Variants in DUSP12 observed in about 807,000 individuals in gnomAD.
The protein encoded by DUSP12 is dual specificity phosphatase 12.
A neutral mutation model predicts 38.9 loss-of-function variants in DUSP12; 25 were observed. That is an observed-to-expected ratio of 0.64 (90% CI 0.47 to 0.90). The LOEUF (loss-of-function observed/expected upper bound fraction) is 0.90. Ranked by LOEUF, DUSP12 falls within the 40% of genes least tolerant of loss-of-function variation. The pLI, the probability that DUSP12 is intolerant of heterozygous loss-of-function variation, is 0.00. For missense variants in DUSP12, 403 were observed against 427.0 expected (o/e 0.94, Z 0.50); for synonymous variants, 153 against 153.9 (o/e 0.99, Z 0.05).
At chr1:161,756,570 C>T (rs148355400) in intron 5 of DUSP12, among the ~76,000 whole-genome samples, 59 of 149,066 alleles carry the variant, frequency 4.0e-4, no homozygotes, top group African/African-American at 1.4e-3. Context: ...TCACTTTTCT[C>T]CCTTCAAGCT....
rs769804396 is a variant in DUSP12, at chr1:161,756,853, G to A, written c.929G>A (p.Gly310Asp). 6.2e-7 allele frequency: 1 copy of A among 1,614,000 alleles called. No individual in the cohort carries two copies. Among genetic ancestry groups the A allele is most frequent in the Admixed American group, 1.7e-5 (1 of 60,026 alleles). Residue 310 changes from glycine (G) to aspartate (D), a missense_variant, in exon 6 of 6, where the codon GGT becomes GAT. Coordinates refer to ENST00000367943, the MANE Select transcript of DUSP12 (RefSeq NM_007240.3). ...TGGTATGGTGAACAGTGCTCTTGTG[G>A]TAGGTGGATAACACCTGCTTTTCAA... ...FNWYGEQCSC[G>D]RWITPAFQIH...
At chr1:161,755,392 T>C (rs1684093515) in intron 5 of DUSP12, among the ~76,000 whole-genome samples, 1 of 152,220 alleles carries the variant, frequency 6.6e-6, no homozygotes, top group South Asian at 2.1e-4. Flanking sequence ...GCTCGAAGAA[T>C]GTATTTTAAA....
At chr1:161,750,262 C>A in intron 1 of DUSP12, 117 bp downstream of exon 1, 2 of 1,048,966 alleles carry the variant, frequency 1.9e-6, no homozygotes, top group African/African-American at 1.6e-5. Flanking sequence ...CGTGAACCTC[C>A]TCCCGCTGCC....
chr1:161,751,639 C>T (rs772654390), intron 1 of DUSP12, 29 bp from the exon 2 acceptor site: 2 of 1,568,028 alleles, frequency 1.3e-6, no homozygotes, highest in Non-Finnish European at 1.7e-6. Flanking sequence ...TTGCTATTTG[C>T]TGTTTTATTT....
At chr1:161,750,930 C>G (rs1034636533) in intron 1 of DUSP12, among the ~76,000 whole-genome samples, 6 of 150,662 alleles carry the variant, frequency 4.0e-5, no homozygotes, top group Admixed American at 6.6e-5. Context: ...ATCCCTCCCC[C>G]CAAAAAAAGA....
intron 5 of DUSP12, 28 bp downstream of exon 5, chr1:161,753,289 T>C: frequency 6.7e-7 from 1 of 1,501,054 alleles, no homozygotes; most frequent in Non-Finnish European, 8.9e-7. Context: ...TTTCTACAAT[T>C]TTATTTTATG....
chr1:161,750,103 T>C lies in DUSP12; in HGVS notation c.302T>C (p.Ile101Thr), dbSNP rs1316204476. The C allele has an allele frequency of 3.1e-6, 5 of 1,613,810 alleles. No individual in the cohort carries two copies. The highest frequency in any genetic ancestry group is 4.2e-6 in the Non-Finnish European group (5 of 1,179,916). Residue 101 changes from isoleucine to threonine, a missense_variant, in exon 1 of 6, where the codon ATC becomes ACC. Coordinates refer to ENST00000367943, the MANE Select transcript of DUSP12 (RefSeq NM_007240.3). Reference sequence around the variant, plus strand: ...CATCTGGACCGGTGCGTGGCCTTCATCGGTCAGGCCCGCGCTGAGGGCCGT... The same window carrying C: ...CATCTGGACCGGTGCGTGGCCTTCACCGGTCAGGCCCGCGCTGAGGGCCGT... ...LSHLDRCVAF[I>T]GQARAEGRAV...
At chr1:161,755,837 T>TA (rs1684098539) in intron 5 of DUSP12, among the ~76,000 whole-genome samples, 1 of 152,210 alleles carries the variant, frequency 6.6e-6, no homozygotes, top group Non-Finnish European at 1.5e-5. Flanking sequence ...TAAAATTTGT[T>TA]AGTTTTTTTA....
chr1:161,752,046 G>A (rs1684030799), intron 3 of DUSP12, 62 bp downstream of exon 3: 2 of 1,111,982 alleles, frequency 1.8e-6, no homozygotes, highest in Admixed American at 2.1e-5. Flanking sequence ...AGCATTGTAT[G>A]CTTTACCTTA....
Position 161,752,081 on chromosome 1 carries a change from T to C in DUSP12, c.577+97T>C, listed in dbSNP as rs1378296663. 4 of 874,364 alleles carry C rather than the reference T, an allele frequency of 4.6e-6. No homozygotes were observed. In the Admixed American group the frequency reaches 7.1e-5, roughly 15 times the overall value. 54.2% of individuals were successfully genotyped at this position (874,364 alleles called of 1,614,324 possible). A position where few individuals can be genotyped will look rare whatever the true frequency, so the allele number is the denominator to read the frequency against. On this transcript the variant is annotated intron_variant, in intron 3 of 5. Transcript: ENST00000367943. Reference sequence around the variant, plus strand: ...ACTTCCAGCAATCCCTGAGAAACTATTGTTTCTTTTTGAAACTGATTTAGC... The same window carrying C: ...ACTTCCAGCAATCCCTGAGAAACTACTGTTTCTTTTTGAAACTGATTTAGC...
intron 5 of DUSP12, among the ~76,000 whole-genome samples, chr1:161,756,262 A>G (rs1225348272): frequency 6.6e-6 from 1 of 152,160 alleles, no homozygotes; most frequent in Non-Finnish European, 1.5e-5. Context: ...AATTAATGCT[A>G]TAACTAACTA....
intron 5 of DUSP12, among the ~76,000 whole-genome samples, chr1:161,754,898 T>G (rs1026783279): frequency 2.0e-5 from 3 of 152,186 alleles, no homozygotes; most frequent in African/African-American, 7.2e-5. Context: ...TGGCACAATC[T>G]TGGCTCACCA....
intron 5 of DUSP12, among the ~76,000 whole-genome samples, chr1:161,754,694 G>A (rs904969416): frequency 3.9e-5 from 6 of 152,260 alleles, no homozygotes; most frequent in Admixed American, 2.6e-4. Flanking sequence ...TCACTATCAC[G>A]AGAACAGCAT....
chr1:161,752,322 C>G, intron 3 of DUSP12, 46 bp from the exon 4 acceptor site: 1 of 1,336,226 alleles, frequency 7.5e-7, no homozygotes, highest in South Asian at 1.2e-5. Context: ...TCTGAAAATG[C>G]AGAGTTGATT....
At chr1:161,750,410 C>T (rs1324955712) in intron 1 of DUSP12, among the ~76,000 whole-genome samples, 1 of 152,218 alleles carries the variant, frequency 6.6e-6, no homozygotes, top group East Asian at 1.9e-4. Flanking sequence ...TGATAAATGA[C>T]AAATTACCTA....
rs142103801 is a variant in DUSP12 at position 161,757,001 on chromosome 1, G to T, written c.*54G>T. The T allele has an allele frequency of 2.0e-6, 3 of 1,511,812 alleles. No homozygotes were observed. The highest frequency in any genetic ancestry group is 1.4e-5 in the African/African-American group (1 of 72,716). The allele number at this position is 1,511,812 out of a possible 1,614,324, so 93.6% of individuals were successfully genotyped here. A position where few individuals can be genotyped will look rare whatever the true frequency, so the allele number is the denominator to read the frequency against. ...CTTGCAGATGATATGTGCTGCCTTTGCTTCTTATCATTCATGGCAGATTGT... is the reference window on the plus strand; with the variant it reads ...CTTGCAGATGATATGTGCTGCCTTTTCTTCTTATCATTCATGGCAGATTGT... On this transcript the variant is annotated 3_prime_UTR_variant, in exon 6 of 6. Coordinates refer to ENST00000367943, the MANE Select transcript of DUSP12 (RefSeq NM_007240.3).
chr1:161,752,912 C>T lies in DUSP12; in HGVS notation c.675-163C>T, dbSNP rs567791082. Among the ~76,000 whole-genome samples the T allele has an allele frequency of 1.2e-4, 18 of 151,840 alleles. No homozygotes were observed. In the South Asian group the frequency reaches 3.5e-3, roughly 30 times the overall value. On this transcript the variant is annotated intron_variant, in intron 4 of 5. Transcript: ENST00000367943. ...GGCTGAGGCAGGAGAATTGGTTGAA[C>T]CCAGGAGGCGGAGGTTGCAGTGAGC...
At chr1:161,754,783 G>A (rs1451630796) in intron 5 of DUSP12, among the ~76,000 whole-genome samples, 1 of 152,120 alleles carries the variant, frequency 6.6e-6, no homozygotes, top group Admixed American at 6.6e-5. Context: ...GATTTGGATG[G>A]GGACACAGAA....
At position 161,750,145 on chromosome 1, in the gene DUSP12, G is replaced by A. The variant is rs752075012; in HGVS notation, c.344G>A (p.Cys115Tyr). 5 of 1,609,456 alleles carry A rather than the reference G, an allele frequency of 3.1e-6. No homozygotes were observed. Among genetic ancestry groups the A allele is most frequent in the South Asian group, 2.2e-5 (2 of 90,584 alleles). Residue 115 changes from cysteine (C) to tyrosine (Y), a missense_variant and splice_region_variant, in exon 1 of 6, where the codon TGT (cysteine) becomes TAT (tyrosine). Coordinates refer to ENST00000367943, the MANE Select transcript of DUSP12 (RefSeq NM_007240.3). ...RAEGRAVLVH[C>Y]HAGVSRSVAI... ...GAGGGCCGTGCGGTGTTGGTGCACT[G>A]GTGAGTGGCCGGGTCAGTGGGTGAC...
Sources: allele counts gnomAD v4.1 joint callset (sites outside exome capture counted in the v4.1 genomes callset), GRCh38; gene constraint gnomAD v4.1.1; transcripts MANE v1.5; gene names NCBI Gene and HGNC (gene_info 2026-07-23, HGNC 2026-07-21).